The following PSMD14 variants were observed in gnomAD, a reference collection of about 807,000 sequenced individuals.
The protein encoded by PSMD14 is proteasome 26S subunit, non-ATPase 14.
In PSMD14, 7 loss-of-function variants were observed where a neutral mutation model predicts 41.2. The observed-to-expected ratio is 0.17, with a 90% confidence interval of 0.10 to 0.32. The LOEUF (loss-of-function observed/expected upper bound fraction) is 0.32, where lower values mean the gene tolerates loss of function less well. PSMD14 is among the 10% of genes least tolerant of loss of function. PSMD14 has a pLI of 1.00. For missense variants in PSMD14, 139 were observed against 375.6 expected (o/e 0.37, Z 5.21); for synonymous variants, 114 against 122.3 (o/e 0.93, Z 0.45).
rs71281822 is a variant in PSMD14 at position 161,357,076 on chromosome 2, C to CTTTTTTTTTTTTTTTTTT, written c.49-10390_49-10389insTTTTTTTTTTTTTTTTTT. Among the ~76,000 whole-genome samples the CTTTTTTTTTTTTTTTTTT allele has an allele frequency of 3.3e-4, 41 of 124,180 alleles. 3 individuals are homozygous for CTTTTTTTTTTTTTTTTTT. The East Asian group carries it at 3.3e-3, about 10-fold the overall frequency. The allele number at this position is 124,180 out of a possible 152,430, so 81.5% of individuals were successfully genotyped here. A position where few individuals can be genotyped will look rare whatever the true frequency, so the allele number is the denominator to read the frequency against. Reference sequence around the variant, plus strand: ...TTTATGCTGTTATAATGGCAAATGCCTTTTTTTTTTTTAGCACTTAGTCAA... The same window carrying CTTTTTTTTTTTTTTTTTT: ...TTTATGCTGTTATAATGGCAAATGCCTTTTTTTTTTTTTTTTTTTTTTTTTTTTTTAGCACTTAGTCAA... On this transcript the variant is annotated intron_variant, in intron 3 of 11. Coordinates refer to ENST00000409682, the MANE Select transcript of PSMD14 (RefSeq NM_005805.6).
chr2:161,401,569 C>T (rs533779891), intron 10 of PSMD14, among the ~76,000 whole-genome samples: 3 of 152,276 alleles, frequency 2.0e-5, no homozygotes, highest in Non-Finnish European at 2.9e-5. Flanking sequence ...AGGTGACTGT[C>T]GGATTCTGCC....
chr2:161,309,763 A>G (rs1364253234), intron 1 of PSMD14, among the ~76,000 whole-genome samples: 1 of 152,218 alleles, frequency 6.6e-6, no homozygotes, highest in Non-Finnish European at 1.5e-5. Context: ...GAAAGTTTTC[A>G]AGTGATGATC....
intron 3 of PSMD14, among the ~76,000 whole-genome samples, chr2:161,320,184 G>C (rs939293787): frequency 6.6e-6 from 1 of 152,176 alleles, no homozygotes; most frequent in Non-Finnish European, 1.5e-5. Context: ...AGATAGTGCA[G>C]ATTTACCTGC....
chr2:161,347,817 A>T (rs1012081835), intron 3 of PSMD14, among the ~76,000 whole-genome samples: 2 of 152,144 alleles, frequency 1.3e-5, no homozygotes, highest in Non-Finnish European at 2.9e-5. Flanking sequence ...TACTTTAAAT[A>T]TATTAGGTCA....
At chr2:161,404,203 C>T (rs1001394458) in intron 10 of PSMD14, among the ~76,000 whole-genome samples, 5 of 152,024 alleles carry the variant, frequency 3.3e-5, no homozygotes, top group Non-Finnish European at 5.9e-5. Flanking sequence ...GCCACTATGC[C>T]CAGCCTAATT....
chr2:161,381,707 T>C (rs1343236002), intron 7 of PSMD14: 2 of 151,922 alleles, frequency 1.3e-5, no homozygotes, highest in Non-Finnish European at 2.9e-5. Flanking sequence ...TGGTTTAAAC[T>C]GAGTTTTAAG....
chr2:161,317,093 C>T (rs1689155923), intron 2 of PSMD14, among the ~76,000 whole-genome samples: 1 of 152,014 alleles, frequency 6.6e-6, no homozygotes, highest in Non-Finnish European at 1.5e-5. Flanking sequence ...GTAATATATT[C>T]TAGAGAATTG....
chr2:161,395,083 G>A lies in PSMD14; in HGVS notation c.651G>A (p.Leu217=). 1 of 1,579,450 alleles carries A rather than the reference G, an allele frequency of 6.3e-7. No individual in the cohort carries two copies. ...CTTTTTCTTTTATTTTTTAGATGTT[G>A]CTAAATTTGCATAAGAAGAGTTGGA... is the stretch of plus-strand genomic sequence containing the variant. ...YRKNELEQKM[L]LNLHKKSWME... Residue 217 remains leucine, a synonymous_variant, in exon 10 of 12, where the codon TTG becomes TTA. Coordinates refer to ENST00000409682, the MANE Select transcript of PSMD14 (RefSeq NM_005805.6).
At chr2:161,389,256 A>G (rs1020268873) in intron 8 of PSMD14, among the ~76,000 whole-genome samples, 7 of 152,160 alleles carry the variant, frequency 4.6e-5, no homozygotes, top group African/African-American at 1.2e-4. Context: ...GGGTTGTGCA[A>G]GTAGTGAGTG....
At chr2:161,326,893 CAT>C (rs1682707784) in intron 3 of PSMD14, among the ~76,000 whole-genome samples, 1 of 151,996 alleles carries the variant, frequency 6.6e-6, no homozygotes, top group South Asian at 2.1e-4. Flanking sequence ...ATATATAAAA[CAT>C]TTTTATTTTT....
At chr2:161,398,195 T>C (rs2105269560) in intron 10 of PSMD14, among the ~76,000 whole-genome samples, 1 of 152,280 alleles carries the variant, frequency 6.6e-6, no homozygotes, top group East Asian at 1.9e-4. Context: ...TTTGGGAATG[T>C]AATTCCCTCT....
Position 161,363,647 on chromosome 2 carries a change from G to A in PSMD14, c.49-3831G>A, listed in dbSNP as rs540134607. Among the ~76,000 whole-genome samples, 3 of 152,332 alleles carry A rather than the reference G, an allele frequency of 2.0e-5. No homozygotes were observed. In the South Asian group the frequency reaches 6.2e-4, roughly 32 times the overall value. On this transcript the variant is annotated intron_variant, in intron 3 of 11. Coordinates refer to ENST00000409682, the MANE Select transcript of PSMD14 (RefSeq NM_005805.6). ...AGATAATGTATGTAGATGGTCCACA[G>A]CCCCACATTTTTCTCATCTTGGGAG...
intron 3 of PSMD14, among the ~76,000 whole-genome samples, chr2:161,357,076 C>CTTTTTTTTTTTTTTTTTTTTTTTTTTTT (rs71281822): frequency 0.011 from 1,316 of 123,696 alleles, 143 homozygotes; most frequent in South Asian, 0.022. Flanking sequence ...TGGCAAATGC[C>CTTTTTTTTTTTTTTTTTTTTTTTTTTTT]TTTTTTTTTT....
At chr2:161,377,328 C>A (rs1483124823) in intron 7 of PSMD14, among the ~76,000 whole-genome samples, 1 of 151,824 alleles carries the variant, frequency 6.6e-6, no homozygotes, top group Non-Finnish European at 1.5e-5. Flanking sequence ...TATGAGCATA[C>A]CCTTCCAAGG....
chr2:161,398,833 A>G (rs975932192), intron 10 of PSMD14, among the ~76,000 whole-genome samples: 1 of 152,076 alleles, frequency 6.6e-6, no homozygotes, highest in African/African-American at 2.4e-5. Flanking sequence ...AAATGGAGAA[A>G]TCTCATTTGG....
At chr2:161,346,040 C>G (rs1683037457) in intron 3 of PSMD14, among the ~76,000 whole-genome samples, 1 of 152,102 alleles carries the variant, frequency 6.6e-6, no homozygotes. Flanking sequence ...TGCCACCACT[C>G]TCAGCTAATT....
At chr2:161,332,533 G>A (rs1247104520) in intron 3 of PSMD14, among the ~76,000 whole-genome samples, 1 of 152,156 alleles carries the variant, frequency 6.6e-6, no homozygotes, top group Non-Finnish European at 1.5e-5. Flanking sequence ...GCCATCAAGT[G>A]CTTCCATCTG....
rs528751707 is a variant in PSMD14 at position 161,400,638 on chromosome 2, C to G, written c.771+5435C>G. 2.6e-5 allele frequency among the ~76,000 whole-genome samples: 4 copies of G among 152,288 alleles called. No homozygotes were observed. The East Asian group carries it at 7.7e-4, about 29-fold the overall frequency. ...GCATGATCATGGTTCACTGTAGCTT[C>G]CACCTCTTGGGCTCAAGCAATCCTC... On this transcript the variant is annotated intron_variant, in intron 10 of 11. Transcript: ENST00000409682.
At chr2:161,314,743 A>G (rs1192372511) in intron 1 of PSMD14, among the ~76,000 whole-genome samples, 1 of 152,210 alleles carries the variant, frequency 6.6e-6, no homozygotes, top group Non-Finnish European at 1.5e-5. Flanking sequence ...TTATAGCTGA[A>G]CAGTATTTCA....
Sources: gnomAD v4.1 joint callset for allele counts (sites outside exome capture counted in the v4.1 genomes callset) on GRCh38, gnomAD v4.1.1 for gene constraint, MANE v1.5 for transcripts, NCBI Gene and HGNC (gene_info 2026-07-23, HGNC 2026-07-21) for gene names.